Variants in DYM observed in about 807,000 individuals in gnomAD.
DYM encodes dymeclin, also known as dyggve-Melchior-Clausen syndrome protein.
Under a neutral mutation model 93.1 loss-of-function variants are expected in DYM, and 78 were observed. That is an observed-to-expected ratio of 0.84 (90% CI 0.70 to 1.01). The LOEUF (loss-of-function observed/expected upper bound fraction) is 1.01. Among genes scored for constraint, DYM ranks in the 50% least tolerant of loss-of-function variants. The probability of loss-of-function intolerance (pLI) is 0.00; values close to 1 mark genes in which losing one functional copy is unlikely to be tolerated. For missense variants in DYM, 789 were observed against 845.0 expected (o/e 0.93, Z 0.82); for synonymous variants, 321 against 319.7 (o/e 1.00, Z -0.04).
At chr18:49,174,541 G>A (rs1045043110) in intron 14 of DYM, among the ~76,000 whole-genome samples, 2 of 152,100 alleles carry the variant, frequency 1.3e-5, no homozygotes, top group Admixed American at 1.3e-4. Flanking sequence ...TGTCCAATAT[G>A]ATTCACTCTC....
intron 5 of DYM, among the ~76,000 whole-genome samples, chr18:49,374,747 T>A (rs2067333373): frequency 6.6e-6 from 1 of 151,916 alleles, no homozygotes; most frequent in Admixed American, 6.6e-5. Flanking sequence ...TCACATGAGG[T>A]CAGGAGTTCA....
At chr18:49,104,165 T>G (rs1031777290) in intron 16 of DYM, among the ~76,000 whole-genome samples, 12 of 152,284 alleles carry the variant, frequency 7.9e-5, no homozygotes, top group South Asian at 2.1e-4. Flanking sequence ...TTTTATTCTC[T>G]TTGAAGCAAT....
chr18:49,235,641 C>G (rs1045449269), intron 13 of DYM, among the ~76,000 whole-genome samples: 2 of 151,992 alleles, frequency 1.3e-5, no homozygotes, highest in African/African-American at 4.8e-5. Context: ...CAGTCAGTGT[C>G]TAGACCAGTC....
chr18:49,427,638 A>C (rs1289456825), intron 2 of DYM, among the ~76,000 whole-genome samples: 1 of 152,204 alleles, frequency 6.6e-6, no homozygotes, highest in Non-Finnish European at 1.5e-5. Flanking sequence ...CAAAATATAG[A>C]AACAACCCAG....
intron 2 of DYM, chr18:49,413,124 C>T (rs568147270): frequency 6.6e-6 from 1 of 152,358 alleles, no homozygotes; most frequent in East Asian, 1.9e-4. Context: ...TTAGTACTTA[C>T]ATGAAACTGG....
At chr18:49,099,465 A>T (rs1452123874) in intron 16 of DYM, among the ~76,000 whole-genome samples, 1 of 152,222 alleles carries the variant, frequency 6.6e-6, no homozygotes, top group African/African-American at 2.4e-5. Flanking sequence ...CACATCTACA[A>T]GTAAAAAAAT....
intron 7 of DYM, 152 bp downstream of exon 7, chr18:49,333,576 C>T (rs571723851): frequency 2.2e-5 from 17 of 766,086 alleles, no homozygotes; most frequent in East Asian, 1.4e-4. Context: ...AAGTAGAATG[C>T]GGTTCCCTAT....
chr18:49,283,956 AC>A (rs1401398679), intron 9 of DYM, among the ~76,000 whole-genome samples: 4 of 152,186 alleles, frequency 2.6e-5, no homozygotes, highest in Non-Finnish European at 5.9e-5. Context: ...TTTGACACTT[AC>A]AAAAATAATT....
At position 49,295,714 on chromosome 18, in the gene DYM, T is replaced by G. The variant is rs1035439854; in HGVS notation, c.764-9098A>C. Among the ~76,000 whole-genome samples, 9 of 152,194 alleles carry G rather than the reference T, an allele frequency of 5.9e-5. 1 individual carries two copies. Among genetic ancestry groups the G allele is most frequent in the East Asian group, 1.9e-4 (1 of 5,204 alleles). ...CTAAAAGCCAAACCGATATCCTAACTAATGCAGGTATGTATTATAAAATTC... is the reference window on the plus strand; with the variant it reads ...CTAAAAGCCAAACCGATATCCTAACGAATGCAGGTATGTATTATAAAATTC... On this transcript the variant is annotated intron_variant, in intron 8 of 17. Transcript: ENST00000675505.
intron 17 of DYM, among the ~76,000 whole-genome samples, chr18:49,076,251 G>C (rs1168464734): frequency 1.3e-5 from 2 of 152,130 alleles, no homozygotes; most frequent in African/African-American, 4.8e-5. Flanking sequence ...AAAATATTAT[G>C]ATGTTTTAAA....
chr18:49,458,629 G>T (rs1013042829), intron 1 of DYM, among the ~76,000 whole-genome samples: 1 of 152,116 alleles, frequency 6.6e-6, no homozygotes, highest in Admixed American at 6.5e-5. Context: ...CTGAACTCAG[G>T]AGTTCGTGAC....
At chr18:49,196,189 G>C (rs1434961107) in intron 14 of DYM, among the ~76,000 whole-genome samples, 1 of 152,064 alleles carries the variant, frequency 6.6e-6, no homozygotes, top group Non-Finnish European at 1.5e-5. Flanking sequence ...GCCTTCCAAA[G>C]TGCTGGGATT....
intron 15 of DYM, among the ~76,000 whole-genome samples, chr18:49,143,404 A>G (rs2084746005): frequency 6.6e-6 from 1 of 152,182 alleles, no homozygotes; most frequent in Non-Finnish European, 1.5e-5. Context: ...TTCAGGTGGT[A>G]GAAGCTGTAG....
At chr18:49,432,329 CAA>C (rs11429840) in intron 1 of DYM, among the ~76,000 whole-genome samples, 4 of 75,794 alleles carry the variant, frequency 5.3e-5, no homozygotes, top group Non-Finnish European at 1.1e-4. Context: ...AAGACTGTCT[CAA>C]AAAAAAAAAA....
intron 8 of DYM, among the ~76,000 whole-genome samples, chr18:49,307,328 A>G (rs1237625497): frequency 6.6e-6 from 1 of 152,052 alleles, no homozygotes; most frequent in African/African-American, 2.4e-5. Context: ...GATTGTCTCC[A>G]TTCTTAAGGT....
chr18:49,430,402 C>T lies in DYM; in HGVS notation c.-8G>A. ...GCTGCTATTCGATCCCATCTTCTAG[C>T]TTAAGCAGATAATTTGTCCTTAAAC... On this transcript the variant is annotated 5_prime_UTR_variant, in exon 2 of 18. Transcript: ENST00000675505. The T allele has an allele frequency of 6.2e-7, 1 of 1,613,166 alleles. No individual in the cohort carries two copies. The highest frequency in any genetic ancestry group is 8.5e-7 in the Non-Finnish European group (1 of 1,179,996).
intron 8 of DYM, among the ~76,000 whole-genome samples, chr18:49,327,504 G>A (rs929582879): frequency 2.0e-5 from 3 of 151,802 alleles, no homozygotes; most frequent in Non-Finnish European, 4.4e-5. Context: ...CTGCAGGCGC[G>A]CACCACCACG....
At chr18:49,175,636 C>A (rs187511576) in intron 14 of DYM, among the ~76,000 whole-genome samples, 1 of 152,252 alleles carries the variant, frequency 6.6e-6, no homozygotes, top group Non-Finnish European at 1.5e-5. Context: ...TCAGCACCAC[C>A]AGCTTGCTGA....
intron 6 of DYM, among the ~76,000 whole-genome samples, chr18:49,349,449 A>G (rs1474674342): frequency 2.0e-5 from 3 of 152,210 alleles, no homozygotes; most frequent in Admixed American, 2.0e-4. Context: ...AATATTCCAA[A>G]ATTGTAACAA....
Sources: allele counts gnomAD v4.1 joint callset (sites outside exome capture counted in the v4.1 genomes callset), GRCh38; gene constraint gnomAD v4.1.1; transcripts MANE v1.5; gene names NCBI Gene and HGNC (gene_info 2026-07-23, HGNC 2026-07-21).